LRRC37A2: variants seen among roughly 807,000 people sequenced by gnomAD.
The protein encoded by LRRC37A2 is leucine rich repeat containing 37 member A2.
A neutral mutation model predicts 68.8 loss-of-function variants in LRRC37A2; 9 were observed. That is an observed-to-expected ratio of 0.13 (90% CI 0.08 to 0.23). The LOEUF is 0.23. Ranked by LOEUF, LRRC37A2 falls within the 10% of genes least tolerant of loss-of-function variation. LRRC37A2 has a pLI of 1.00. For missense variants in LRRC37A2, 168 were observed against 950.4 expected (o/e 0.18, Z 10.82); for synonymous variants, 63 against 367.6 (o/e 0.17, Z 9.48).
chr17:47,014,192 C>T, the LRRC37A2 span, among the ~76,000 whole-genome samples: 2 of 152,024 alleles, frequency 1.3e-5, no homozygotes, highest in African/African-American at 4.8e-5. Context: ...GAGTTCAAGA[C>T]CAGCCTGGCC....
the LRRC37A2 span, among the ~76,000 whole-genome samples, chr17:46,881,330 C>A: frequency 1.3e-5 from 2 of 152,240 alleles, no homozygotes; most frequent in African/African-American, 4.8e-5. Flanking sequence ...TGTTCCTGGG[C>A]CTGGAGACCA....
chr17:46,422,696 CT>C, the LRRC37A2 span: 2 of 284,794 alleles, frequency 7.0e-6, no homozygotes, highest in Admixed American at 5.1e-5. Context: ...ATTGTGTACC[CT>C]TTTAAGATAG....
chr17:47,003,726 T>TA, the LRRC37A2 span, among the ~76,000 whole-genome samples: 2 of 151,990 alleles, frequency 1.3e-5, no homozygotes, highest in Non-Finnish European at 2.9e-5. Context: ...TATTTGCCTT[T>TA]TTTTTTTATT....
At chr17:46,795,010 CA>C in the LRRC37A2 span, among the ~76,000 whole-genome samples, 3 of 152,074 alleles carry the variant, frequency 2.0e-5, no homozygotes, top group Non-Finnish European at 4.4e-5. Context: ...CTCGGCCTCC[CA>C]AAATACTGGG....
chr17:46,493,573 G>T, the LRRC37A2 span, among the ~76,000 whole-genome samples: 1 of 144,274 alleles, frequency 6.9e-6, no homozygotes, highest in East Asian at 2.0e-4. Context: ...GAGTCTCGCT[G>T]TGTCGCCAGG....
At chr17:47,016,048 G>A in the LRRC37A2 span, among the ~76,000 whole-genome samples, 10 of 152,220 alleles carry the variant, frequency 6.6e-5, no homozygotes, top group East Asian at 9.7e-4. Flanking sequence ...AGGTTCAAGC[G>A]ATTCTCCTGC....
the LRRC37A2 span, among the ~76,000 whole-genome samples, chr17:47,026,193 C>T: frequency 6.6e-6 from 1 of 152,216 alleles, no homozygotes; most frequent in East Asian, 1.9e-4. Flanking sequence ...TGTGTAACAT[C>T]AGAGAGACAT....
the LRRC37A2 span, among the ~76,000 whole-genome samples, chr17:46,862,683 A>G: frequency 6.6e-6 from 1 of 152,252 alleles, no homozygotes; most frequent in South Asian, 2.1e-4. Context: ...CCCAGGTTCA[A>G]GGGATTCTCC....
the LRRC37A2 span, chr17:46,939,741 C>G: frequency 2.0e-6 from 2 of 987,334 alleles, no homozygotes; most frequent in Non-Finnish European, 2.4e-6. Context: ...TGTGTATGTC[C>G]TTGTAACACT....
At chr17:46,939,773 T>A in the LRRC37A2 span, 1 of 986,828 alleles carries the variant, frequency 1.0e-6, no homozygotes. Flanking sequence ...GACTACAACC[T>A]TTTTCCTTCT....
At chr17:46,857,640 T>C in the LRRC37A2 span, among the ~76,000 whole-genome samples, 1 of 152,236 alleles carries the variant, frequency 6.6e-6, no homozygotes, top group Non-Finnish European at 1.5e-5. Context: ...GGTTGATATA[T>C]GCATAACTTA....
the LRRC37A2 span, among the ~76,000 whole-genome samples, chr17:46,776,853 T>C: frequency 4.6e-5 from 7 of 152,162 alleles, no homozygotes; most frequent in Admixed American, 4.6e-4. Flanking sequence ...TGAGAGGCAC[T>C]CGGAGACCCT....
the LRRC37A2 span, among the ~76,000 whole-genome samples, chr17:46,491,994 G>A: frequency 2.0e-5 from 3 of 148,772 alleles, no homozygotes; most frequent in Non-Finnish European, 4.4e-5. Flanking sequence ...ACAGAGTTTC[G>A]CTCTTGTTGC....
chr17:46,837,705 G>A, the LRRC37A2 span, among the ~76,000 whole-genome samples: 13 of 152,274 alleles, frequency 8.5e-5, no homozygotes, highest in South Asian at 2.3e-3. Context: ...TGTGCCTGGG[G>A]GAAGGTTTGG....
chr17:46,972,282 C>G, the LRRC37A2 span, among the ~76,000 whole-genome samples: 2 of 152,210 alleles, frequency 1.3e-5, no homozygotes, highest in Non-Finnish European at 2.9e-5. Flanking sequence ...CTTCTCCCTG[C>G]TGTCCTTTCA....
the LRRC37A2 span, chr17:46,851,702 GCCT>G: frequency 1.5e-6 from 2 of 1,301,190 alleles, no homozygotes; most frequent in Non-Finnish European, 1.9e-6. This position sits in a 1 kb window ranked among gnomAD's most constrained non-coding sequence, Gnocchi z 4.3. Context: ...CGCCGCCGCC[GCCT>G]CCTACTTCGG....
chr17:46,721,147 G>T, the LRRC37A2 span, among the ~76,000 whole-genome samples: 1 of 152,286 alleles, frequency 6.6e-6, no homozygotes, highest in South Asian at 2.1e-4. Flanking sequence ...AGTGCATGTG[G>T]CACACTCTTG....
At chr17:47,014,178 T>G in the LRRC37A2 span, among the ~76,000 whole-genome samples, 1 of 151,760 alleles carries the variant, frequency 6.6e-6, no homozygotes, top group Non-Finnish European at 1.5e-5. Context: ...GATCATGAGG[T>G]CAGGAGTTCA....
At chr17:46,497,424 A>T in the LRRC37A2 span, among the ~76,000 whole-genome samples, 1 of 143,446 alleles carries the variant, frequency 7.0e-6, no homozygotes, top group African/African-American at 2.7e-5. Context: ...TTTTAGTGTT[A>T]TGTTTTATTA....
Sources: gnomAD v4.1 joint callset for allele counts (sites outside exome capture counted in the v4.1 genomes callset) on GRCh38, gnomAD v4.1.1 for gene constraint, Gnocchi (gnomAD v3.1) non-coding constraint, MANE v1.5 for transcripts, NCBI Gene and HGNC (gene_info 2026-07-23, HGNC 2026-07-21) for gene names.